The following MYO3B variants were observed in gnomAD, a reference collection of about 807,000 sequenced individuals.
The protein encoded by MYO3B is myosin-IIIb.
MYO3B carries 156 observed loss-of-function variants against 174.6 expected under a neutral mutation model. That is an observed-to-expected ratio of 0.89 (90% CI 0.78 to 1.02). The LOEUF (loss-of-function observed/expected upper bound fraction) is 1.02, where lower values mean the gene tolerates loss of function less well. Among genes scored for constraint, MYO3B ranks in the 50% least tolerant of loss-of-function variants. The pLI is 0.00. For synonymous variants in MYO3B, 563 were observed against 569.1 expected (o/e 0.99, Z 0.15); for missense variants, 1,632 against 1,639.4 (o/e 1.00, Z 0.08).
chr2:170,211,052 G>A (rs1214603021), intron 3 of MYO3B, among the ~76,000 whole-genome samples: 1 of 152,118 alleles, frequency 6.6e-6, no homozygotes, highest in African/African-American at 2.4e-5. Flanking sequence ...GGCATGACTG[G>A]GAGGCAAAAT....
chr2:170,392,519 C>A, intron 16 of MYO3B, 24 bp downstream of exon 16: 1 of 1,397,196 alleles, frequency 7.2e-7, no homozygotes, highest in Non-Finnish European at 9.8e-7. Flanking sequence ...AAGAGAGGAA[C>A]TCAAGTGACA....
intron 32 of MYO3B, among the ~76,000 whole-genome samples, chr2:170,637,155 T>C (rs1158941458): frequency 1.4e-5 from 2 of 146,492 alleles, no homozygotes; most frequent in African/African-American, 5.1e-5. Flanking sequence ...ATCAGGTAGG[T>C]CACTCAGAGT....
At chr2:170,390,286 G>C (rs886165039) in intron 14 of MYO3B, among the ~76,000 whole-genome samples, 1 of 152,182 alleles carries the variant, frequency 6.6e-6, no homozygotes, top group African/African-American at 2.4e-5. Context: ...ACCTTAGTGG[G>C]GGATGGTGAT....
intron 22 of MYO3B, among the ~76,000 whole-genome samples, chr2:170,418,564 A>T (rs956526544): frequency 6.6e-6 from 1 of 152,198 alleles, no homozygotes; most frequent in South Asian, 2.1e-4. Flanking sequence ...ATAACAGCCA[A>T]TGTTTACAAC....
intron 22 of MYO3B, among the ~76,000 whole-genome samples, chr2:170,430,075 A>G (rs1260136933): frequency 6.6e-6 from 1 of 151,308 alleles, no homozygotes; most frequent in East Asian, 1.9e-4. Flanking sequence ...GCAAAACTGC[A>G]TATATGGAGG....
intron 7 of MYO3B, among the ~76,000 whole-genome samples, chr2:170,263,179 T>C (rs1238227997): frequency 5.9e-5 from 9 of 152,302 alleles, no homozygotes; most frequent in Non-Finnish European, 1.3e-4. Flanking sequence ...AGGTTAGAAA[T>C]GCAGGCAGGG....
intron 25 of MYO3B, among the ~76,000 whole-genome samples, chr2:170,493,523 A>G (rs576235495): frequency 6.6e-6 from 1 of 152,250 alleles, no homozygotes; most frequent in East Asian, 1.9e-4. Context: ...ACTAGATAGA[A>G]GACTTGATGA....
intron 22 of MYO3B, among the ~76,000 whole-genome samples, chr2:170,433,964 T>C (rs1438247951): frequency 6.6e-6 from 1 of 152,208 alleles, no homozygotes; most frequent in African/African-American, 2.4e-5. Flanking sequence ...CATTTATTGA[T>C]ATTAACGTGA....
chr2:170,472,793 C>T (rs953094102), intron 25 of MYO3B, among the ~76,000 whole-genome samples: 69 of 151,968 alleles, frequency 4.5e-4, no homozygotes, highest in African/African-American at 1.6e-3. Context: ...CCTCTACCCG[C>T]TGGGTTCAAG....
rs138062964 is a variant in MYO3B, at chr2:170,505,960, A to G, written c.3370+4095A>G. On this transcript the variant is annotated intron_variant, in intron 28 of 34. Transcript: ENST00000408978. Reference sequence around the variant, plus strand: ...CTCTCTGTTGTTGGATCAGCTTCCTACATACTCCCCTCCTTGGCCCTGCCA... The same window carrying G: ...CTCTCTGTTGTTGGATCAGCTTCCTGCATACTCCCCTCCTTGGCCCTGCCA... 5.5e-3 allele frequency among the ~76,000 whole-genome samples: 837 copies of G among 152,306 alleles called. 10 individuals are homozygous for G. The highest frequency in any genetic ancestry group is 0.019 in the African/African-American group (792 of 41,574).
chr2:170,252,716 G>T (rs1015640570), intron 7 of MYO3B, among the ~76,000 whole-genome samples: 1 of 152,188 alleles, frequency 6.6e-6, no homozygotes, highest in Non-Finnish European at 1.5e-5. Flanking sequence ...AGAGAATACA[G>T]AGTGACAGTT....
chr2:170,466,416 A>C, intron 24 of MYO3B, 90 bp from the exon 25 acceptor site: 1 of 1,210,052 alleles, frequency 8.3e-7, no homozygotes. Context: ...GTGAGCCTCG[A>C]ACTGCTCCAG....
At chr2:170,242,505 T>A (rs532051962) in intron 7 of MYO3B, among the ~76,000 whole-genome samples, 103 of 152,286 alleles carry the variant, frequency 6.8e-4, no homozygotes, top group African/African-American at 2.3e-3. Context: ...AAATTATTTT[T>A]AAATTCGAGT....
At chr2:170,395,409 G>A (rs1218998990) in intron 16 of MYO3B, among the ~76,000 whole-genome samples, 1 of 152,158 alleles carries the variant, frequency 6.6e-6, no homozygotes, top group East Asian at 1.9e-4. Flanking sequence ...TCTATGTGAT[G>A]GTCAAGATTG....
At chr2:170,430,829 G>A (rs1219942173) in intron 22 of MYO3B, among the ~76,000 whole-genome samples, 1 of 152,182 alleles carries the variant, frequency 6.6e-6, no homozygotes, top group Non-Finnish European at 1.5e-5. Context: ...GAGGAGGTGT[G>A]TACTGCATGG....
chr2:170,360,496 A>C (rs1289936714), intron 8 of MYO3B, among the ~76,000 whole-genome samples: 1 of 152,218 alleles, frequency 6.6e-6, no homozygotes, highest in South Asian at 2.1e-4. Flanking sequence ...ATCTACTATC[A>C]AACAGAAATT....
At chr2:170,197,278 T>C (rs1269128911) in intron 1 of MYO3B, among the ~76,000 whole-genome samples, 1 of 152,230 alleles carries the variant, frequency 6.6e-6, no homozygotes, top group Non-Finnish European at 1.5e-5. Flanking sequence ...CCACATGGTG[T>C]GGCCAGCCTC....
intron 32 of MYO3B, among the ~76,000 whole-genome samples, chr2:170,551,257 C>T (rs7575514): frequency 0.61 from 92,323 of 151,626 alleles, 30,524 homozygotes; most frequent in Non-Finnish European, 0.75. Flanking sequence ...CTTCTGCTAA[C>T]CTGGCTGTAG....
chr2:170,606,524 A>G (rs1249859734), intron 32 of MYO3B, among the ~76,000 whole-genome samples: 1 of 152,190 alleles, frequency 6.6e-6, no homozygotes, highest in Non-Finnish European at 1.5e-5. Context: ...CCTAGCCTGC[A>G]ATTATTGTTT....
Sources: allele counts gnomAD v4.1 joint callset (sites outside exome capture counted in the v4.1 genomes callset), GRCh38; gene constraint gnomAD v4.1.1; transcripts MANE v1.5; gene names NCBI Gene and HGNC (gene_info 2026-07-23, HGNC 2026-07-21).